GRID2: variants seen among roughly 807,000 people sequenced by gnomAD.
The protein encoded by GRID2 is glutamate ionotropic receptor delta type subunit 2.
In GRID2, 33 loss-of-function variants were observed where a neutral mutation model predicts 114.8. That is an observed-to-expected ratio of 0.29 (90% CI 0.22 to 0.38). The LOEUF (loss-of-function observed/expected upper bound fraction) is 0.38. Among genes scored for constraint, GRID2 ranks in the 10% least tolerant of loss-of-function variants. GRID2 has a pLI of 1.00. For synonymous variants in GRID2, 505 were observed against 449.9 expected, an observed-to-expected ratio of 1.12 and a Z score of -1.55; for missense variants, 1,184 against 1,257.7, an observed-to-expected ratio of 0.94 and a Z score of 0.89.
intron 2 of GRID2, among the ~76,000 whole-genome samples, chr4:93,016,334 CAT>C (rs1199611010): frequency 1.3e-5 from 2 of 152,092 alleles, no homozygotes. Context: ...GATTCGGTAA[CAT>C]AGATCAGTAA....
chr4:93,184,610 G>T (rs760666413), intron 4 of GRID2, among the ~76,000 whole-genome samples: 2 of 151,896 alleles, frequency 1.3e-5, no homozygotes, highest in Non-Finnish European at 2.9e-5. Context: ...CTGGCCGGGT[G>T]CAGTGGCTCA....
At chr4:93,618,219 G>A (rs2149678578) in intron 13 of GRID2, among the ~76,000 whole-genome samples, 1 of 152,178 alleles carries the variant, frequency 6.6e-6, no homozygotes. Context: ...GATTTTTTTG[G>A]TCTCACTTGA....
rs61007934 is a variant in GRID2 at position 93,307,396 on chromosome 4, A to AT, written c.1245+68916dup. On this transcript the variant is annotated intron_variant, in intron 8 of 15. Coordinates refer to ENST00000282020, the MANE Select transcript of GRID2 (RefSeq NM_001510.4). ...GCTTTAGCTTCTAAATTTTCTCGTC[A>AT]TTTTTTTTTTCCTTTCTTACCAGTT... Among the ~76,000 whole-genome samples the AT allele has an allele frequency of 2.6e-4, 39 of 149,334 alleles. 1 individual carries two copies. The highest frequency in any genetic ancestry group is 3.5e-3 in the Middle Eastern group (1 of 284).
rs1021653900 is a variant in GRID2 at position 93,684,145 on chromosome 4, A to T, written c.2360+57710A>T. ...TTCAAATGTTATTAGTTATCTTTGG[A>T]TAATAGCATATTAGATTATTGTTTT... On this transcript the variant is annotated intron_variant, in intron 14 of 15. Transcript: ENST00000282020. Among the ~76,000 whole-genome samples the T allele has an allele frequency of 4.6e-5, 7 of 152,148 alleles. No individual in the cohort carries two copies. The South Asian group carries it at 1.0e-3, about 23-fold the overall frequency.
chr4:93,464,849 G>T (rs1226818742), intron 11 of GRID2, among the ~76,000 whole-genome samples: 1 of 152,002 alleles, frequency 6.6e-6, no homozygotes, highest in African/African-American at 2.4e-5. Context: ...AATCCATTTG[G>T]GATTGCTGCA....
At chr4:93,631,215 T>TC (rs1422076718) in intron 14 of GRID2, among the ~76,000 whole-genome samples, 2 of 146,470 alleles carry the variant, frequency 1.4e-5, no homozygotes, top group Non-Finnish European at 3.0e-5. Context: ...TTAGGGATTC[T>TC]CTTTTTTTTT....
At chr4:93,729,252 G>A (rs1243900004) in intron 14 of GRID2, among the ~76,000 whole-genome samples, 24 of 151,924 alleles carry the variant, frequency 1.6e-4, no homozygotes. Context: ...CATTTAGTCA[G>A]CAAGCCACTT....
chr4:93,053,217 C>T (rs983817438), intron 2 of GRID2, among the ~76,000 whole-genome samples: 2 of 151,806 alleles, frequency 1.3e-5, no homozygotes, highest in African/African-American at 4.8e-5. Context: ...CTATTAATAC[C>T]GGGCACCTTC....
rs536002892 is a variant in GRID2 at position 93,624,521 on chromosome 4, A to T, written c.2194-1748A>T. 1.4e-4 allele frequency among the ~76,000 whole-genome samples: 21 copies of T among 152,288 alleles called. No individual in the cohort carries two copies. In the East Asian group the frequency reaches 4.1e-3, roughly 29 times the overall value. On this transcript the variant is annotated intron_variant, in intron 13 of 15. Transcript: ENST00000282020. ...CTTCCTGGTTTACCAATAGATAGATAACAGGTAGACAACTGTTTATAATTT... is the reference window on the plus strand; with the variant it reads ...CTTCCTGGTTTACCAATAGATAGATTACAGGTAGACAACTGTTTATAATTT...
chr4:92,855,187 A>G (rs1304158812), intron 2 of GRID2, among the ~76,000 whole-genome samples: 2 of 152,046 alleles, frequency 1.3e-5, no homozygotes, highest in Non-Finnish European at 2.9e-5. Flanking sequence ...TGAATGTCCT[A>G]TTCACTGTAG....
At chr4:93,072,581 T>C (rs963165392) in intron 2 of GRID2, among the ~76,000 whole-genome samples, 4 of 151,976 alleles carry the variant, frequency 2.6e-5, no homozygotes, top group African/African-American at 7.2e-5. Flanking sequence ...GAGTTTGAAC[T>C]CTGCAGGCCC....
chr4:93,331,025 A>G (rs1408879945), intron 8 of GRID2, among the ~76,000 whole-genome samples: 2 of 152,030 alleles, frequency 1.3e-5, no homozygotes, highest in South Asian at 2.1e-4. Flanking sequence ...TAAAAAGTAT[A>G]TCAGATCATT....
rs1031409893 is a variant in GRID2 at position 92,641,223 on chromosome 4, A to T, written c.244+50937A>T. Among the ~76,000 whole-genome samples the T allele has an allele frequency of 3.3e-5, 5 of 151,696 alleles. No homozygotes were observed. In the East Asian group the frequency reaches 7.8e-4, roughly 24 times the overall value. ...ATTTATTTTTTTACTAGACATATAG[A>T]CATCCTAAATATATATATTATGAAA... On this transcript the variant is annotated intron_variant, in intron 2 of 15. Coordinates refer to ENST00000282020, the MANE Select transcript of GRID2 (RefSeq NM_001510.4).
chr4:93,390,254 A>G (rs151117364), intron 8 of GRID2, among the ~76,000 whole-genome samples: 116 of 152,330 alleles, frequency 7.6e-4, no homozygotes, highest in African/African-American at 2.7e-3. Flanking sequence ...CCATTCTAAT[A>G]GTCAACAAAA....
chr4:92,927,712 G>A (rs559557441), intron 2 of GRID2, among the ~76,000 whole-genome samples: 1 of 151,716 alleles, frequency 6.6e-6, no homozygotes, highest in South Asian at 2.1e-4. Flanking sequence ...CTGAGAGTGT[G>A]CATTTAATTT....
At chr4:93,437,889 C>T (rs2149387901) in intron 10 of GRID2, among the ~76,000 whole-genome samples, 1 of 152,216 alleles carries the variant, frequency 6.6e-6, no homozygotes, top group Non-Finnish European at 1.5e-5. Context: ...TTTCAAATTA[C>T]CTTTGTGTAA....
At chr4:93,734,357 T>A (rs908168206) in intron 14 of GRID2, among the ~76,000 whole-genome samples, 12 of 152,012 alleles carry the variant, frequency 7.9e-5, no homozygotes, top group Admixed American at 3.3e-4. Flanking sequence ...TTATAAGTCA[T>A]TTTTATAAGA....
chr4:93,590,992 C>T (rs1738218401), intron 13 of GRID2, among the ~76,000 whole-genome samples: 1 of 151,678 alleles, frequency 6.6e-6, no homozygotes, highest in East Asian at 1.9e-4. Flanking sequence ...ACAATCATGT[C>T]ATCTGCAAAC....
At chr4:93,150,000 A>G (rs1194907778) in intron 4 of GRID2, among the ~76,000 whole-genome samples, 2 of 152,122 alleles carry the variant, frequency 1.3e-5, no homozygotes, top group African/African-American at 2.4e-5. Flanking sequence ...CAAGAGAAGT[A>G]TCCATTGGTC....
Sources: gnomAD v4.1 joint callset for allele counts (sites outside exome capture counted in the v4.1 genomes callset) on GRCh38, gnomAD v4.1.1 for gene constraint, MANE v1.5 for transcripts, NCBI Gene and HGNC (gene_info 2026-07-23, HGNC 2026-07-21) for gene names.